The following PPM1H variants were observed in gnomAD, a reference collection of about 807,000 sequenced individuals.
PPM1H encodes protein phosphatase 1H.
Under a neutral mutation model 54.9 loss-of-function variants are expected in PPM1H, and 27 were observed. The observed-to-expected ratio is 0.49, with a 90% CI of 0.36 to 0.68. The LOEUF is 0.68. Ranked by LOEUF, PPM1H falls within the 30% of genes least tolerant of loss-of-function variation. The pLI, the probability that PPM1H is intolerant of heterozygous loss-of-function variation, is 0.00. For synonymous variants in PPM1H, 305 were observed against 270.8 expected (o/e 1.13, Z -1.24); for missense variants, 596 against 667.8 (o/e 0.89, Z 1.19).
At chr12:62,757,543 T>G (rs1042337213) in intron 4 of PPM1H, among the ~76,000 whole-genome samples, 1 of 152,242 alleles carries the variant, frequency 6.6e-6, no homozygotes, top group Non-Finnish European at 1.5e-5. Context: ...AATGAAGAGA[T>G]AAATTCACTA....
chr12:62,723,360 TAA>T (rs950246246), intron 5 of PPM1H, among the ~76,000 whole-genome samples: 174 of 146,930 alleles, frequency 1.2e-3, no homozygotes, highest in African/African-American at 4.1e-3. Context: ...CTGCCCTGAT[TAA>T]AAAAAAAAAG....
At chr12:62,820,212 C>T (rs904876998) in intron 2 of PPM1H, among the ~76,000 whole-genome samples, 3 of 152,260 alleles carry the variant, frequency 2.0e-5, no homozygotes, top group African/African-American at 7.2e-5. Context: ...AGGCGTCTGC[C>T]ACTGCTGAAG....
chr12:62,890,545 A>C (rs1476404241), intron 1 of PPM1H, among the ~76,000 whole-genome samples: 3 of 152,158 alleles, frequency 2.0e-5, no homozygotes, highest in Non-Finnish European at 4.4e-5. Context: ...AACATTTACC[A>C]TCTGTAGACA....
At chr12:62,926,784 A>G (rs1465395505) in intron 1 of PPM1H, among the ~76,000 whole-genome samples, 1 of 152,114 alleles carries the variant, frequency 6.6e-6, no homozygotes, top group Admixed American at 6.6e-5. Context: ...GAGAAACCCC[A>G]TCTGTACTAA....
Position 62,843,749 on chromosome 12 carries a change from CTTTAT to C in PPM1H, c.246-11475_246-11471del, listed in dbSNP as rs550583134. 3.4e-3 allele frequency among the ~76,000 whole-genome samples: 511 copies of C among 152,230 alleles called. 2 individuals carry two copies. The highest frequency in any genetic ancestry group is 0.01 in the African/African-American group (421 of 41,546). Reference sequence around the variant, plus strand: ...TAAAAAGTACTTTTTAAAAAAAGTACTTTATTTTAACTGAAAACAATCTGCTTTGA... The same window carrying C: ...TAAAAAGTACTTTTTAAAAAAAGTACTTTAACTGAAAACAATCTGCTTTGA... On this transcript the variant is annotated intron_variant, in intron 1 of 9. Transcript: ENST00000228705.
intron 4 of PPM1H, among the ~76,000 whole-genome samples, chr12:62,737,858 C>T (rs1336923943): frequency 6.6e-6 from 1 of 152,152 alleles, no homozygotes; most frequent in African/African-American, 2.4e-5. Context: ...TACTTCTTGG[C>T]ACATAACAAA....
chr12:62,795,771 G>C (rs1182075434), intron 3 of PPM1H, among the ~76,000 whole-genome samples: 1 of 152,100 alleles, frequency 6.6e-6, no homozygotes, highest in Non-Finnish European at 1.5e-5. Context: ...CCGTTGCCCA[G>C]GCTAGGGTGC....
At chr12:62,785,480 ACAT>A (rs2076665958) in intron 4 of PPM1H, among the ~76,000 whole-genome samples, 1 of 152,226 alleles carries the variant, frequency 6.6e-6, no homozygotes, top group African/African-American at 2.4e-5. Flanking sequence ...CCCGGCCAAA[ACAT>A]CATACTTTTA....
At chr12:62,750,121 T>C (rs2076434124) in intron 4 of PPM1H, among the ~76,000 whole-genome samples, 1 of 152,190 alleles carries the variant, frequency 6.6e-6, no homozygotes, top group Admixed American at 6.5e-5. Context: ...TGAATTATAG[T>C]CTGCATACCA....
chr12:62,685,127 ACCC>A (rs2076044254), intron 8 of PPM1H, among the ~76,000 whole-genome samples: 1 of 152,042 alleles, frequency 6.6e-6, no homozygotes, highest in Admixed American at 6.5e-5. Context: ...CGCACTACAT[ACCC>A]ATTAAGCTAA....
At chr12:62,827,819 G>T (rs1868307249) in intron 2 of PPM1H, among the ~76,000 whole-genome samples, 2 of 152,112 alleles carry the variant, frequency 1.3e-5, no homozygotes, top group Admixed American at 1.3e-4. Flanking sequence ...CTCCTTGGTT[G>T]TTCCCCAAAT....
chr12:62,672,198 A>T (rs1228263383), intron 8 of PPM1H, among the ~76,000 whole-genome samples: 1 of 152,218 alleles, frequency 6.6e-6, no homozygotes, highest in Non-Finnish European at 1.5e-5. Context: ...CTCAAGGCTG[A>T]TCCTGTCTCA....
intron 6 of PPM1H, among the ~76,000 whole-genome samples, chr12:62,701,470 C>T (rs1192610564): frequency 6.6e-6 from 1 of 152,208 alleles, no homozygotes; most frequent in Non-Finnish European, 1.5e-5. Flanking sequence ...GCTTTGCTCA[C>T]ACTGTCCTCA....
At chr12:62,822,290 C>G (rs1415245490) in intron 2 of PPM1H, among the ~76,000 whole-genome samples, 1 of 152,094 alleles carries the variant, frequency 6.6e-6, no homozygotes, top group East Asian at 1.9e-4. Context: ...GACTTAGACT[C>G]CCACACAATA....
intron 1 of PPM1H, among the ~76,000 whole-genome samples, chr12:62,884,849 T>C (rs917927215): frequency 1.3e-5 from 2 of 152,152 alleles, no homozygotes; most frequent in African/African-American, 2.4e-5. Context: ...CATTTGGAGA[T>C]TGAGGTTCAC....
Position 62,927,471 on chromosome 12 carries a change from C to A in PPM1H, c.245+7021G>T, listed in dbSNP as rs138966665. ...GGTCAGGAGTTTAAGACCAGTGTGG[C>A]CAACATGAGGAAACCTCATCTCTAC... On this transcript the variant is annotated intron_variant, in intron 1 of 9. Transcript: ENST00000228705. Among the ~76,000 whole-genome samples the A allele has an allele frequency of 5.6e-3, 855 of 151,910 alleles. 11 individuals carry two copies. Among genetic ancestry groups the A allele is most frequent in the African/African-American group, 0.019 (805 of 41,430 alleles).
rs11174627 is a variant in PPM1H at position 62,738,128 on chromosome 12, G to T, written c.870-542C>A. 9.6e-3 allele frequency among the ~76,000 whole-genome samples: 1,455 copies of T among 152,252 alleles called. 10 individuals carry two copies. The highest frequency in any genetic ancestry group is 0.021 in the Middle Eastern group (6 of 292). On this transcript the variant is annotated intron_variant, in intron 4 of 9. Transcript: ENST00000228705. ...TAAGCGGTCACATATGGCTAGTGTT[G>T]AATGTATTTGACAGTGCAGCTCTAG...
At chr12:62,904,508 T>G (rs1469461910) in intron 1 of PPM1H, among the ~76,000 whole-genome samples, 1 of 152,174 alleles carries the variant, frequency 6.6e-6, no homozygotes, top group African/African-American at 2.4e-5. Context: ...AATGCCATAT[T>G]TTCTTACAAT....
At chr12:62,708,773 C>G (rs370102428) in intron 6 of PPM1H, among the ~76,000 whole-genome samples, 14 of 152,252 alleles carry the variant, frequency 9.2e-5, no homozygotes, top group African/African-American at 3.1e-4. Context: ...CTTTGTTACA[C>G]TGGTATATTG....
Sources: gnomAD v4.1 joint callset for allele counts (sites outside exome capture counted in the v4.1 genomes callset) on GRCh38, gnomAD v4.1.1 for gene constraint, MANE v1.5 for transcripts, NCBI Gene and HGNC (gene_info 2026-07-23, HGNC 2026-07-21) for gene names.